The following ROR1 variants were observed in gnomAD, a reference collection of about 807,000 sequenced individuals.
ROR1 encodes the protein ROR family WNT receptor 1.
In ROR1, 19 loss-of-function variants were observed where a neutral mutation model predicts 78.8. The ratio of observed to expected loss-of-function variants is 0.24; its 90% CI spans 0.17 to 0.35. The LOEUF is 0.35. Ranked by LOEUF, ROR1 falls within the 10% of genes least tolerant of loss-of-function variation. The pLI is 1.00. For synonymous variants in ROR1, 386 were observed against 433.6 expected (o/e 0.89, Z 1.36); for missense variants, 917 against 1,177.8 (o/e 0.78, Z 3.24).
At chr1:63,832,151 A>T (rs1039073166) in intron 1 of ROR1, among the ~76,000 whole-genome samples, 5 of 152,164 alleles carry the variant, frequency 3.3e-5, no homozygotes, top group Admixed American at 3.3e-4. Context: ...TTTGGTAAAA[A>T]TCATTAAACA....
rs143441751 is a variant in ROR1, at chr1:63,774,751, C to A, written c.91+243C>A. On this transcript the variant is annotated intron_variant, in intron 1 of 8. Coordinates refer to ENST00000371079, the MANE Select transcript of ROR1 (RefSeq NM_005012.4). The surrounding 1 kb of genome is among the most constrained non-coding windows in gnomAD (Gnocchi z 5.7). Reference sequence around the variant, plus strand: ...GCGCCCAGGGACTCGTTCCTCGGTGCGCAGCAGCGATTGTCAGCGCTGACA... The same window carrying A: ...GCGCCCAGGGACTCGTTCCTCGGTGAGCAGCAGCGATTGTCAGCGCTGACA... Among the ~76,000 whole-genome samples the A allele has an allele frequency of 0.038, 5,825 of 151,888 alleles. 177 individuals are homozygous for A. The highest frequency in any genetic ancestry group is 0.14 in the Middle Eastern group (41 of 294).
At chr1:64,045,777 C>T (rs1248867624) in intron 2 of ROR1, among the ~76,000 whole-genome samples, 1 of 152,108 alleles carries the variant, frequency 6.6e-6, no homozygotes, top group Non-Finnish European at 1.5e-5. Context: ...TCATCATCAT[C>T]ATTATTACTA....
At chr1:63,966,095 ACT>A (rs1384938693) in intron 1 of ROR1, among the ~76,000 whole-genome samples, 2 of 152,156 alleles carry the variant, frequency 1.3e-5, no homozygotes, top group African/African-American at 2.4e-5. Context: ...AACACCTGCC[ACT>A]CATGGTTCGT....
intron 7 of ROR1, among the ~76,000 whole-genome samples, chr1:64,153,883 G>A (rs936714407): frequency 2.0e-5 from 3 of 151,848 alleles, no homozygotes; most frequent in African/African-American, 7.3e-5. Flanking sequence ...TGGTTAAGAT[G>A]GTAAATTTTA....
intron 1 of ROR1, among the ~76,000 whole-genome samples, chr1:63,936,418 G>A (rs543141845): frequency 6.6e-6 from 1 of 152,056 alleles, no homozygotes; most frequent in African/African-American, 2.4e-5. Flanking sequence ...TGCATGCTTT[G>A]GGGGGAATAA....
At chr1:63,811,200 C>G (rs146940429) in intron 1 of ROR1, among the ~76,000 whole-genome samples, 27 of 152,198 alleles carry the variant, frequency 1.8e-4, no homozygotes, top group African/African-American at 6.5e-4. Context: ...CTCTGAGCAC[C>G]CTTTCCTTTA....
intron 1 of ROR1, among the ~76,000 whole-genome samples, chr1:63,992,174 T>C (rs930883209): frequency 5.3e-5 from 8 of 151,644 alleles, no homozygotes; most frequent in South Asian, 2.1e-4. Flanking sequence ...ATCTGTGGAA[T>C]AGGTTAATTA....
At chr1:64,041,692 C>T (rs568017736) in intron 2 of ROR1, among the ~76,000 whole-genome samples, 6 of 152,322 alleles carry the variant, frequency 3.9e-5, no homozygotes, top group African/African-American at 1.4e-4. Flanking sequence ...AGTGGATACT[C>T]TTTAAACCCA....
At chr1:63,890,182 A>T (rs905390613) in intron 1 of ROR1, among the ~76,000 whole-genome samples, 1 of 152,048 alleles carries the variant, frequency 6.6e-6, no homozygotes, top group East Asian at 1.9e-4. Flanking sequence ...CTGCTTTTTA[A>T]TGTCCATACC....
chr1:63,838,266 A>G (rs542336496), intron 1 of ROR1, among the ~76,000 whole-genome samples: 23 of 152,086 alleles, frequency 1.5e-4, no homozygotes, highest in Admixed American at 3.3e-4. Context: ...AAAATAAAAC[A>G]TTATCTGTAA....
chr1:63,948,713 A>T (rs1453358287), intron 1 of ROR1, among the ~76,000 whole-genome samples: 1 of 152,172 alleles, frequency 6.6e-6, no homozygotes, highest in East Asian at 1.9e-4. Flanking sequence ...GGTCATGAGG[A>T]CAAAGCCCTT....
intron 4 of ROR1, among the ~76,000 whole-genome samples, chr1:64,115,234 AT>A (rs1211014815): frequency 6.6e-6 from 1 of 150,376 alleles, no homozygotes; most frequent in Non-Finnish European, 1.5e-5. Context: ...CTTTATTTTT[AT>A]TTTTATAACT....
At chr1:63,775,804 T>C (rs529532793) in intron 1 of ROR1, among the ~76,000 whole-genome samples, 5 of 152,346 alleles carry the variant, frequency 3.3e-5, no homozygotes, top group Middle Eastern at 3.4e-3. Context: ...GGATGATTTC[T>C]GAAACGGATC....
At chr1:64,018,352 C>T (rs1287558839) in intron 2 of ROR1, among the ~76,000 whole-genome samples, 1 of 152,164 alleles carries the variant, frequency 6.6e-6, no homozygotes, top group Non-Finnish European at 1.5e-5. Flanking sequence ...CTATTTCAAG[C>T]ATCTGTGCAA....
intron 1 of ROR1, among the ~76,000 whole-genome samples, chr1:63,863,983 T>C (rs1471189788): frequency 6.6e-6 from 1 of 152,174 alleles, no homozygotes; most frequent in Non-Finnish European, 1.5e-5. Flanking sequence ...ACCTTCTTTT[T>C]TTCCTAAAAA....
intron 1 of ROR1, among the ~76,000 whole-genome samples, chr1:63,865,513 A>G (rs748660464): frequency 2.0e-5 from 3 of 152,190 alleles, no homozygotes; most frequent in Non-Finnish European, 4.4e-5. Flanking sequence ...CTTACAAACC[A>G]TATGACTTTG....
At chr1:64,150,756 A>C (rs1326360061) in intron 7 of ROR1, among the ~76,000 whole-genome samples, 2 of 152,252 alleles carry the variant, frequency 1.3e-5, no homozygotes, top group African/African-American at 4.8e-5. Context: ...ATACATTTTC[A>C]ACAACAAAGT....
At chr1:63,982,321 G>A (rs892123520) in intron 1 of ROR1, among the ~76,000 whole-genome samples, 6 of 151,476 alleles carry the variant, frequency 4.0e-5, no homozygotes, top group African/African-American at 1.2e-4. Flanking sequence ...GCAAGCCTGC[G>A]GTGAGGATCA....
chr1:64,059,999 GTT>G (rs60063423), intron 4 of ROR1, among the ~76,000 whole-genome samples: 18 of 151,638 alleles, frequency 1.2e-4, no homozygotes, highest in African/African-American at 3.9e-4. Flanking sequence ...ACAAGCGTTA[GTT>G]TTTTTTTTCC....
Sources: gnomAD v4.1 joint callset for allele counts (sites outside exome capture counted in the v4.1 genomes callset) on GRCh38, gnomAD v4.1.1 for gene constraint, Gnocchi (gnomAD v3.1) non-coding constraint, MANE v1.5 for transcripts, NCBI Gene and HGNC (gene_info 2026-07-23, HGNC 2026-07-21) for gene names.